Variants in TENM2 observed in about 807,000 individuals in gnomAD.
TENM2 encodes the protein teneurin transmembrane protein 2, also known as teneurin-2.
In TENM2, 52 loss-of-function variants were observed where a neutral mutation model predicts 245.2. The ratio of observed to expected loss-of-function variants is 0.21; its 90% CI spans 0.17 to 0.27. The LOEUF is 0.27. TENM2 is among the 10% of genes least tolerant of loss of function. TENM2 has a pLI of 1.00. For synonymous variants in TENM2, 1,363 were observed against 1,438.9 expected, an observed-to-expected ratio of 0.95 and a Z score of 1.19; for missense variants, 3,046 against 3,666.8, an observed-to-expected ratio of 0.83 and a Z score of 4.37.
At chr5:167,188,359 G>A in the TENM2 span, among the ~76,000 whole-genome samples, 1 of 152,118 alleles carries the variant, frequency 6.6e-6, no homozygotes, top group Admixed American at 6.6e-5. Context: ...TATGTGGTTT[G>A]TGATTGATGA....
At chr5:167,875,257 G>A (rs2151379552) in intron 2 of TENM2, among the ~76,000 whole-genome samples, 1 of 152,286 alleles carries the variant, frequency 6.6e-6, no homozygotes, top group Middle Eastern at 3.4e-3. Flanking sequence ...TTGGCAAGGT[G>A]TTGTAGTTGG....
At chr5:167,304,595 C>A (rs1215418368) in intron 1 of TENM2, among the ~76,000 whole-genome samples, 1 of 152,086 alleles carries the variant, frequency 6.6e-6, no homozygotes, top group Non-Finnish European at 1.5e-5. Flanking sequence ...ATATTTGTAA[C>A]TTATTTTGTT....
rs34203413 is a variant in TENM2, at chr5:168,165,648, A to ACCCCCCCCCCC, written c.2569+2897_2569+2907dup. 1.1e-3 allele frequency among the ~76,000 whole-genome samples: 33 copies of ACCCCCCCCCCC among 30,942 alleles called. 1 individual carries two copies. The highest frequency in any genetic ancestry group is 1.3e-3 in the African/African-American group (8 of 6,256). 20.3% of individuals were successfully genotyped at this position (30,942 alleles called of 152,430 possible). A position where few individuals can be genotyped will look rare whatever the true frequency, so the allele number is the denominator to read the frequency against. ...GGCACAATTCAGGATCCCCCCCCCAACCCCCCCCCCCCCCCCGGCTGGCAG... is the reference window on the plus strand; with the variant it reads ...GGCACAATTCAGGATCCCCCCCCCAACCCCCCCCCCCCCCCCCCCCCCCCCCCGGCTGGCAG... On this transcript the variant is annotated intron_variant, in intron 13 of 28. Transcript: ENST00000518659.
intron 2 of TENM2, among the ~76,000 whole-genome samples, chr5:167,434,683 G>A (rs34558216): frequency 0.26 from 39,475 of 151,866 alleles, 5,933 homozygotes; most frequent in African/African-American, 0.4. Context: ...AATTTTATGT[G>A]GATTTAGTAT....
chr5:167,052,424 T>C, the TENM2 span, among the ~76,000 whole-genome samples: 1 of 152,148 alleles, frequency 6.6e-6, no homozygotes, highest in African/African-American at 2.4e-5. Flanking sequence ...GGGTACTCAA[T>C]TATGCTCCAA....
At chr5:167,493,218 C>T (rs536695673) in intron 2 of TENM2, among the ~76,000 whole-genome samples, 82 of 151,938 alleles carry the variant, frequency 5.4e-4, no homozygotes, top group African/African-American at 1.8e-3. Flanking sequence ...TTCAAGGATG[C>T]GGTAAGCTAT....
chr5:168,251,395 G>A (rs551871386), intron 27 of TENM2, among the ~76,000 whole-genome samples: 56 of 152,280 alleles, frequency 3.7e-4, no homozygotes, highest in Non-Finnish European at 7.1e-4. Context: ...ATCAAATCAA[G>A]TTGAACTAAG....
chr5:167,578,356 A>G (rs572775289), intron 2 of TENM2, among the ~76,000 whole-genome samples: 1 of 152,340 alleles, frequency 6.6e-6, no homozygotes, highest in South Asian at 2.1e-4. Flanking sequence ...CTGTTGCATT[A>G]GCCTAGACTT....
chr5:168,126,876 G>A (rs773474427), exon 12 of TENM2: 1 of 1,608,362 alleles, frequency 6.2e-7, no homozygotes, highest in Non-Finnish European at 8.5e-7. Flanking sequence ...CATTGAGCAC[G>A]GGACCTGTAA....
intron 20 of TENM2, among the ~76,000 whole-genome samples, chr5:168,213,497 CCT>C: frequency 6.6e-6 from 1 of 152,220 alleles, no homozygotes; most frequent in East Asian, 1.9e-4. Flanking sequence ...TCTCCCAGCC[CCT>C]GTCTTCCCAT....
At chr5:167,639,726 T>C (rs1012182927) in intron 2 of TENM2, among the ~76,000 whole-genome samples, 7 of 151,320 alleles carry the variant, frequency 4.6e-5, no homozygotes, top group African/African-American at 1.7e-4. Context: ...CCCAATCTTA[T>C]TGTTTTAAAA....
intron 3 of TENM2, among the ~76,000 whole-genome samples, chr5:167,877,833 CT>C (rs933935191): frequency 6.6e-6 from 1 of 152,062 alleles, no homozygotes; most frequent in African/African-American, 2.4e-5. Flanking sequence ...CTACAGAGCC[CT>C]TTTTTTGCTG....
intron 2 of TENM2, among the ~76,000 whole-genome samples, chr5:167,473,089 T>C (rs1767140112): frequency 6.6e-6 from 1 of 152,218 alleles, no homozygotes; most frequent in Non-Finnish European, 1.5e-5. Context: ...GTGTTGACAT[T>C]TGCCATTTTC....
intron 8 of TENM2, among the ~76,000 whole-genome samples, chr5:168,095,198 A>G (rs528311474): frequency 8.5e-5 from 13 of 152,162 alleles, no homozygotes; most frequent in African/African-American, 3.1e-4. Flanking sequence ...CTGTAGAACA[A>G]TTGTCTTCCA....
chr5:167,001,800 G>A, the TENM2 span, among the ~76,000 whole-genome samples: 2 of 152,040 alleles, frequency 1.3e-5, no homozygotes, highest in South Asian at 4.2e-4. Flanking sequence ...CTTGTTGGTA[G>A]CTGGAATTTG....
In TENM2 at chr5:167,614,283, G is replaced by GCAAGC. The variant is rs1445596668; in HGVS notation, c.502+238813_502+238817dup. ...GTAACGGAATAAACAATATCTGTCTGCAAGCCATTTTTGGCCCCTAGTGGA... is the reference window on the plus strand; with the variant it reads ...GTAACGGAATAAACAATATCTGTCTGCAAGCCAAGCCATTTTTGGCCCCTAGTGGA... On this transcript the variant is annotated intron_variant, in intron 2 of 28. Coordinates refer to ENST00000518659, the Ensembl canonical transcript of TENM2. Among the ~76,000 whole-genome samples the GCAAGC allele has an allele frequency of 2.0e-5, 3 of 152,206 alleles. No individual in the cohort carries two copies. In the East Asian group the frequency reaches 5.8e-4, roughly 30 times the overall value.
intron 5 of TENM2, among the ~76,000 whole-genome samples, chr5:168,031,692 AAGGG>A (rs143453209): frequency 0.011 from 1,476 of 135,496 alleles, 22 homozygotes; most frequent in Non-Finnish European, 0.018. Flanking sequence ...GGAAGGGAGC[AAGGG>A]AGGGAGGGAG....
chr5:167,971,044 C>T (rs1157785809), intron 4 of TENM2, among the ~76,000 whole-genome samples: 1 of 152,136 alleles, frequency 6.6e-6, no homozygotes, highest in Non-Finnish European at 1.5e-5. Flanking sequence ...TGGGGACATC[C>T]TCATGTCCTG....
chr5:167,674,750 T>C (rs894032112), intron 2 of TENM2, among the ~76,000 whole-genome samples: 1 of 152,094 alleles, frequency 6.6e-6, no homozygotes, highest in African/African-American at 2.4e-5. Flanking sequence ...CAAGAGTAAC[T>C]GTACGTGAAC....
Sources: gnomAD v4.1 joint callset for allele counts (sites outside exome capture counted in the v4.1 genomes callset) on GRCh38, gnomAD v4.1.1 for gene constraint, MANE v1.5 for transcripts, NCBI Gene and HGNC (gene_info 2026-07-23, HGNC 2026-07-21) for gene names.